Variants in MCTP1 observed in about 807,000 individuals in gnomAD.
MCTP1 encodes multiple C2 and transmembrane domain containing 1.
A neutral mutation model predicts 120.6 loss-of-function variants in MCTP1; 69 were observed. The ratio of observed to expected loss-of-function variants is 0.57; its 90% confidence interval spans 0.47 to 0.70. The LOEUF is 0.70. Ranked by LOEUF, MCTP1 falls within the 30% of genes least tolerant of loss-of-function variation. MCTP1 has a pLI of 0.00. For missense variants in MCTP1, 1,203 were observed against 1,248.8 expected (o/e 0.96, Z 0.55); for synonymous variants, 529 against 493.1 (o/e 1.07, Z -0.96).
At chr5:94,801,810 T>A (rs776618519) in intron 17 of MCTP1, among the ~76,000 whole-genome samples, 3 of 152,206 alleles carry the variant, frequency 2.0e-5, no homozygotes, top group Admixed American at 1.3e-4. Context: ...CTGCAAGCAA[T>A]CAAGACATCT....
chr5:94,864,320 A>G (rs958937804), intron 17 of MCTP1, among the ~76,000 whole-genome samples: 2 of 151,910 alleles, frequency 1.3e-5, no homozygotes, highest in Admixed American at 1.3e-4. Context: ...ATTCATGTTC[A>G]TTGTTCCTCT....
intron 1 of MCTP1, chr5:95,081,532 A>G (rs1351996673): frequency 1.9e-6 from 3 of 1,577,716 alleles, no homozygotes; most frequent in Non-Finnish European, 2.6e-6. Context: ...AGAGAACTGC[A>G]TATTTAGACT....
chr5:95,076,951 T>C (rs1403903407), intron 1 of MCTP1, among the ~76,000 whole-genome samples: 6 of 152,152 alleles, frequency 3.9e-5, no homozygotes, highest in Non-Finnish European at 8.8e-5. Context: ...CTGTATTCCC[T>C]CCCCGCCTTG....
At chr5:95,168,911 C>T (rs1341929107) in intron 1 of MCTP1, among the ~76,000 whole-genome samples, 1 of 152,086 alleles carries the variant, frequency 6.6e-6, no homozygotes, top group Non-Finnish European at 1.5e-5. Context: ...CCTGATTGCC[C>T]TGGCCAGAAC....
At chr5:95,043,029 G>A (rs1842605156) in intron 1 of MCTP1, among the ~76,000 whole-genome samples, 1 of 151,908 alleles carries the variant, frequency 6.6e-6, no homozygotes, top group Non-Finnish European at 1.5e-5. Context: ...CTAGGCCAAA[G>A]GATTCTATGT....
At chr5:95,182,851 T>C (rs1317699020) in intron 1 of MCTP1, among the ~76,000 whole-genome samples, 2 of 151,778 alleles carry the variant, frequency 1.3e-5, no homozygotes, top group Non-Finnish European at 2.9e-5. Context: ...GTAAAATCCG[T>C]CTCTACTAAA....
chr5:94,974,312 C>T (rs1827570735), intron 2 of MCTP1, among the ~76,000 whole-genome samples: 1 of 152,028 alleles, frequency 6.6e-6, no homozygotes, highest in Non-Finnish European at 1.5e-5. Context: ...TTTGGGAGGC[C>T]ACGGTGGGAG....
intron 12 of MCTP1, 50 bp from the exon 13 acceptor site, chr5:94,873,291 TCA>T (rs1798172782): frequency 9.6e-7 from 1 of 1,041,864 alleles, no homozygotes; most frequent in Non-Finnish European, 1.5e-6. Context: ...CACCCACAGT[TCA>T]CAGTGTCAAG....
intron 2 of MCTP1, among the ~76,000 whole-genome samples, chr5:94,963,419 C>T (rs1453705042): frequency 6.6e-6 from 1 of 150,468 alleles, no homozygotes; most frequent in Non-Finnish European, 1.5e-5. Flanking sequence ...TTTAGATTCC[C>T]ATTAACAGTG....
intron 1 of MCTP1, among the ~76,000 whole-genome samples, chr5:95,049,040 C>A (rs558119183): frequency 1.6e-4 from 24 of 152,260 alleles, no homozygotes; most frequent in Middle Eastern, 3.4e-3. Flanking sequence ...AAGCTTCCCA[C>A]TTTCTGGCAT....
intron 1 of MCTP1, among the ~76,000 whole-genome samples, chr5:95,156,768 T>G (rs1420573606): frequency 6.6e-6 from 1 of 152,224 alleles, no homozygotes; most frequent in Non-Finnish European, 1.5e-5. Context: ...ATTGTAAATA[T>G]TTGTACAAAA....
intron 17 of MCTP1, among the ~76,000 whole-genome samples, chr5:94,851,955 G>T (rs1025420857): frequency 6.6e-6 from 1 of 151,728 alleles, no homozygotes; most frequent in African/African-American, 2.4e-5. Flanking sequence ...GTGTTTAATT[G>T]TACATATCAT....
At chr5:95,023,200 CACTT>C (rs879635775) in intron 1 of MCTP1, among the ~76,000 whole-genome samples, 2 of 152,224 alleles carry the variant, frequency 1.3e-5, no homozygotes, top group African/African-American at 4.8e-5. Flanking sequence ...AGTGAACACA[CACTT>C]ACTGCCTTAC....
intron 1 of MCTP1, among the ~76,000 whole-genome samples, chr5:95,126,834 C>A (rs1356003476): frequency 6.6e-6 from 1 of 152,088 alleles, no homozygotes; most frequent in Admixed American, 6.6e-5. Flanking sequence ...GTGCCCAACT[C>A]ATTTAATTTT....
At chr5:94,918,022 T>C (rs1200767439) in intron 7 of MCTP1, 49 bp from the exon 8 acceptor site, 1 of 1,359,388 alleles carries the variant, frequency 7.4e-7, no homozygotes, top group Non-Finnish European at 1.0e-6. Flanking sequence ...TTTGTACCAT[T>C]CTCAACCCCT....
intron 17 of MCTP1, among the ~76,000 whole-genome samples, chr5:94,844,339 A>C (rs1435557850): frequency 6.6e-6 from 1 of 151,638 alleles, no homozygotes; most frequent in Admixed American, 6.6e-5. Context: ...AAAAGAAAAA[A>C]AGAAAGGCAG....
At chr5:95,023,908 C>T (rs889327378) in intron 1 of MCTP1, among the ~76,000 whole-genome samples, 8 of 152,166 alleles carry the variant, frequency 5.3e-5, no homozygotes, top group Admixed American at 1.3e-4. Flanking sequence ...TTTTTGTAAC[C>T]AAGAAAATGG....
intron 17 of MCTP1, among the ~76,000 whole-genome samples, chr5:94,866,525 C>T (rs1581105781): frequency 6.8e-6 from 1 of 147,502 alleles, no homozygotes; most frequent in South Asian, 2.2e-4. Flanking sequence ...CCCTTCCCAC[C>T]TTTACTATGC....
intron 1 of MCTP1, among the ~76,000 whole-genome samples, chr5:95,188,597 A>G (rs1326106607): frequency 6.6e-6 from 1 of 152,204 alleles, no homozygotes; most frequent in African/African-American, 2.4e-5. Context: ...TAAAAGTTGC[A>G]TATTATATGA....
Sources: gnomAD v4.1 joint callset for allele counts (sites outside exome capture counted in the v4.1 genomes callset) on GRCh38, gnomAD v4.1.1 for gene constraint, MANE v1.5 for transcripts, NCBI Gene and HGNC (gene_info 2026-07-23, HGNC 2026-07-21) for gene names.